Variants in CNOT1 observed in about 807,000 individuals in gnomAD.
The protein encoded by CNOT1 is CCR4-NOT transcription complex subunit 1, also known as CCR4-associated factor 1.
CNOT1 carries 15 observed loss-of-function variants against 273.8 expected under a neutral mutation model. The ratio of observed to expected loss-of-function variants is 0.05; its 90% CI spans 0.04 to 0.08. The LOEUF is 0.08. CNOT1 is among the 10% of genes least tolerant of loss of function. The probability of loss-of-function intolerance (pLI) is 1.00; values close to 1 mark genes in which losing one functional copy is unlikely to be tolerated. For synonymous variants in CNOT1, 1,022 were observed against 1,005.5 expected, an observed-to-expected ratio of 1.02 and a Z score of -0.31; for missense variants, 1,644 against 2,912.2, an observed-to-expected ratio of 0.56 and a Z score of 10.02.
Position 58,578,690 on chromosome 16 carries a change from A to T in CNOT1, c.1584+9T>A. On this transcript the variant is annotated intron_variant, in intron 13 of 48. Transcript: ENST00000317147. ...ATGAAAAAATGGTAAGCACACGGTCACATCTTACCTGCCCATGCCATGCAT... is the reference window on the plus strand; with the variant it reads ...ATGAAAAAATGGTAAGCACACGGTCTCATCTTACCTGCCCATGCCATGCAT... 6.2e-7 allele frequency: 1 copy of T among 1,612,318 alleles called. No individual in the cohort carries two copies. Among genetic ancestry groups the T allele is most frequent in the Non-Finnish European group, 8.5e-7 (1 of 1,178,510 alleles).
Position 58,556,996 on chromosome 16 carries a change from A to G in CNOT1, c.2333-3T>C, listed in dbSNP as rs1007378032. 6.2e-7 allele frequency: 1 copy of G among 1,612,598 alleles called. No homozygotes were observed. Reference sequence around the variant, plus strand: ...GCTGCCTGTGCCAAGACCACCTACTAGAGAGAACGAAGGCAGCCACAAATC... The same window carrying G: ...GCTGCCTGTGCCAAGACCACCTACTGGAGAGAACGAAGGCAGCCACAAATC... On this transcript the variant is annotated splice_region_variant and splice_polypyrimidine_tract_variant and intron_variant, in intron 18 of 48. Coordinates refer to ENST00000317147, the MANE Select transcript of CNOT1 (RefSeq NM_016284.5).
At position 58,599,487 on chromosome 16, in the gene CNOT1, C is replaced by G. The variant is rs1262375810; in HGVS notation, c.-150G>C. 13 of 892,244 alleles carry G rather than the reference C, an allele frequency of 1.5e-5. No individual in the cohort carries two copies. The highest frequency in any genetic ancestry group is 2.1e-5 in the Non-Finnish European group (13 of 606,196). 55.3% of individuals were successfully genotyped at this position (892,244 alleles called of 1,614,324 possible). A position where few individuals can be genotyped will look rare whatever the true frequency, so the allele number is the denominator to read the frequency against. On this transcript the variant is annotated 5_prime_UTR_variant, in exon 2 of 49. Coordinates refer to ENST00000317147, the MANE Select transcript of CNOT1 (RefSeq NM_016284.5). ...TCTTCAGTTCTTCTTTACCAGGGGT[C>G]TTACTCTGTTCTGAAACATGGCACC...
rs115459300 is a variant in CNOT1 at position 58,586,219 on chromosome 16, T to G, written c.637+326A>C. ...GAGCCACTGTGCCCAGCTGATGTTGTCTCTTTTTTAAAAAGAGAAAGAGGC... is the reference window on the plus strand; with the variant it reads ...GAGCCACTGTGCCCAGCTGATGTTGGCTCTTTTTTAAAAAGAGAAAGAGGC... On this transcript the variant is annotated intron_variant, in intron 7 of 48. Coordinates refer to ENST00000317147, the MANE Select transcript of CNOT1 (RefSeq NM_016284.5). 4.4e-3 allele frequency among the ~76,000 whole-genome samples: 367 copies of G among 84,124 alleles called. 7 individuals carry two copies. The highest frequency in any genetic ancestry group is 0.018 in the African/African-American group (354 of 20,054). 55.2% of individuals were successfully genotyped at this position (84,124 alleles called of 152,430 possible).
At chr16:58,605,787 T>G (rs2042654959) in intron 1 of CNOT1, among the ~76,000 whole-genome samples, 1 of 152,088 alleles carries the variant, frequency 6.6e-6, no homozygotes, top group African/African-American at 2.4e-5. Context: ...GCTTCCTGAG[T>G]AGCTAGGACT....
At chr16:58,603,071 A>G (rs537040500) in intron 1 of CNOT1, among the ~76,000 whole-genome samples, 38 of 152,216 alleles carry the variant, frequency 2.5e-4, no homozygotes, top group Non-Finnish European at 1.8e-4. Flanking sequence ...CCTATAAAAT[A>G]TAACCAGAAT....
intron 2 of CNOT1, among the ~76,000 whole-genome samples, chr16:58,590,932 C>T (rs1464406025): frequency 6.6e-6 from 1 of 152,234 alleles, no homozygotes; most frequent in Non-Finnish European, 1.5e-5. Flanking sequence ...GTTCCAAATT[C>T]TCACAAAGTC....
At chr16:58,611,599 T>C (rs1416757703) in intron 1 of CNOT1, among the ~76,000 whole-genome samples, 2 of 152,174 alleles carry the variant, frequency 1.3e-5, no homozygotes, top group South Asian at 4.1e-4. Context: ...GGAAGGAGGA[T>C]CACCTAAGGT....
rs77537662 is a variant in CNOT1 at position 58,554,656 on chromosome 16, C to T, written c.2891+595G>A. Among the ~76,000 whole-genome samples the T allele has an allele frequency of 9.7e-3, 1,471 of 152,318 alleles. 22 individuals are homozygous for T. Among genetic ancestry groups the T allele is most frequent in the African/African-American group, 0.034 (1,416 of 41,574 alleles). On this transcript the variant is annotated intron_variant, in intron 21 of 48. Coordinates refer to ENST00000317147, the MANE Select transcript of CNOT1 (RefSeq NM_016284.5). Reference sequence around the variant, plus strand: ...TTATATTAAAAAAGAGAGGCTTTGGCTGGGCCCAGTGGCTCACACCTATAA... The same window carrying T: ...TTATATTAAAAAAGAGAGGCTTTGGTTGGGCCCAGTGGCTCACACCTATAA...
intron 16 of CNOT1, among the ~76,000 whole-genome samples, chr16:58,573,580 A>C (rs1241021830): frequency 1.4e-5 from 2 of 146,800 alleles, no homozygotes; most frequent in Non-Finnish European, 3.0e-5. Flanking sequence ...TCCTGGGTTC[A>C]CACTATTCTC....
intron 47 of CNOT1, 199 bp downstream of exon 47, chr16:58,523,171 G>C (rs2039466998): frequency 5.3e-6 from 2 of 379,640 alleles, no homozygotes; most frequent in Non-Finnish European, 4.6e-6. Flanking sequence ...CTTGAACCTG[G>C]GAGGCGGAGG....
rs188376750 is a variant in CNOT1, at chr16:58,539,677, A to G, written c.4992+91T>C. On this transcript the variant is annotated intron_variant, in intron 35 of 48. Transcript: ENST00000317147. ...ACTTGATTTATATTATGAAATCTTA[A>G]GCATAACTGCATAAATATGTAGATG... 3.4e-5 allele frequency: 44 copies of G among 1,275,858 alleles called. No homozygotes were observed. The African/African-American group carries it at 5.2e-4, about 15-fold the overall frequency. 79.0% of individuals were successfully genotyped at this position (1,275,858 alleles called of 1,614,324 possible).
intron 24 of CNOT1, among the ~76,000 whole-genome samples, chr16:58,550,611 T>A (rs2040417271): frequency 2.0e-5 from 3 of 152,218 alleles, no homozygotes; most frequent in Admixed American, 6.5e-5. Context: ...ATTTGTTTTA[T>A]CACAGTAAGG....
chr16:58,587,692 A>G (rs2041920830), intron 4 of CNOT1, 88 bp downstream of exon 4: 1 of 1,409,540 alleles, frequency 7.1e-7, no homozygotes, highest in African/African-American at 1.4e-5. Context: ...TTTTTATATT[A>G]AGACATCACA....
At chr16:58,612,871 A>G (rs1199284517) in intron 1 of CNOT1, among the ~76,000 whole-genome samples, 1 of 152,200 alleles carries the variant, frequency 6.6e-6, no homozygotes, top group Non-Finnish European at 1.5e-5. Context: ...ATAATAGAAT[A>G]ACTTATGCAA....
At chr16:58,586,420 G>A (rs1167075199) in intron 7 of CNOT1, 125 bp downstream of exon 7, 1 of 84,476 alleles carries the variant, frequency 1.2e-5, no homozygotes. Flanking sequence ...GGGGAGGGCA[G>A]GGAGGAGGGG....
At chr16:58,534,016 G>A (rs140323198) in intron 40 of CNOT1, 131 bp downstream of exon 40, 76 of 1,122,266 alleles carry the variant, frequency 6.8e-5, no homozygotes, top group African/African-American at 1.3e-4. Context: ...CAGCTACTTC[G>A]GAGGCACTCC....
At chr16:58,600,543 A>G (rs1241409329) in intron 1 of CNOT1, among the ~76,000 whole-genome samples, 1 of 152,130 alleles carries the variant, frequency 6.6e-6, no homozygotes, top group Non-Finnish European at 1.5e-5. Flanking sequence ...TTTATAAGAC[A>G]CTATGTATTC....
At chr16:58,584,686 T>C (rs2041776394) in intron 8 of CNOT1, among the ~76,000 whole-genome samples, 3 of 152,170 alleles carry the variant, frequency 2.0e-5, no homozygotes, top group African/African-American at 7.2e-5. Context: ...AAAAATTATA[T>C]GCCAGGCACA....
At chr16:58,589,967 G>GC in intron 2 of CNOT1, among the ~76,000 whole-genome samples, 1 of 152,280 alleles carries the variant, frequency 6.6e-6, no homozygotes, top group Non-Finnish European at 1.5e-5. Context: ...AATATGACCT[G>GC]CCCCAGCATC....
Sources: gnomAD v4.1 joint callset for allele counts (sites outside exome capture counted in the v4.1 genomes callset) on GRCh38, gnomAD v4.1.1 for gene constraint, MANE v1.5 for transcripts, NCBI Gene and HGNC (gene_info 2026-07-23, HGNC 2026-07-21) for gene names.